The following ERMP1 variants were observed in gnomAD, a reference collection of about 807,000 sequenced individuals.
ERMP1 encodes Felix-ina.
Under a neutral mutation model 92.0 loss-of-function variants are expected in ERMP1, and 86 were observed. That is an observed-to-expected ratio of 0.93 (90% confidence interval 0.79 to 1.12). The LOEUF is 1.12. Ranked by LOEUF, ERMP1 falls within the 50% of genes most tolerant of loss-of-function variation. The pLI, the probability that ERMP1 is intolerant of heterozygous loss-of-function variation, is 0.00. For missense variants in ERMP1, 1,342 were observed against 1,116.3 expected (o/e 1.20, Z -2.88); for synonymous variants, 530 against 412.8 (o/e 1.28, Z -3.44).
intron 4 of ERMP1, among the ~76,000 whole-genome samples, chr9:5,815,066 T>C (rs186233362): frequency 1.7e-4 from 26 of 152,248 alleles, no homozygotes; most frequent in African/African-American, 5.8e-4. Context: ...ATGTGAGTAA[T>C]TGGAGTCCCA....
At chr9:5,850,735 C>G (rs1830299636) in intron 6 of ERMP1, among the ~76,000 whole-genome samples, 1 of 152,140 alleles carries the variant, frequency 6.6e-6, no homozygotes, top group Non-Finnish European at 1.5e-5. Context: ...TGGAAAATGG[C>G]TCAAATGATT....
chr9:5,799,916 C>T (rs1828603731), intron 11 of ERMP1, among the ~76,000 whole-genome samples: 1 of 152,194 alleles, frequency 6.6e-6, no homozygotes, highest in Non-Finnish European at 1.5e-5. Flanking sequence ...AAAGGTTTTA[C>T]AAATTGTAAA....
At chr9:5,806,340 A>C (rs1828868429) in intron 8 of ERMP1, among the ~76,000 whole-genome samples, 1 of 152,152 alleles carries the variant, frequency 6.6e-6, no homozygotes, top group African/African-American at 2.4e-5. Flanking sequence ...TTCCTATTAT[A>C]AAATTTGATC....
intron 5 of ERMP1, among the ~76,000 whole-genome samples, chr9:5,866,479 A>G (rs1462426456): frequency 6.6e-6 from 1 of 152,198 alleles, no homozygotes; most frequent in Non-Finnish European, 1.5e-5. Flanking sequence ...TATGCAGACT[A>G]TGACAAACAG....
At chr9:5,863,452 T>C (rs1830561513) in intron 5 of ERMP1, among the ~76,000 whole-genome samples, 1 of 152,048 alleles carries the variant, frequency 6.6e-6, no homozygotes, top group South Asian at 2.1e-4. Context: ...GGTAAGAAAA[T>C]GAAAATGATA....
chr9:5,816,622 A>G (rs756414601), intron 4 of ERMP1, among the ~76,000 whole-genome samples: 12 of 152,186 alleles, frequency 7.9e-5, no homozygotes, highest in Admixed American at 7.2e-4. Context: ...TCCACTCAGA[A>G]ATGTGCATAC....
chr9:5,795,952 CATTT>C (rs1828408100), intron 13 of ERMP1, among the ~76,000 whole-genome samples: 1 of 152,024 alleles, frequency 6.6e-6, no homozygotes. Flanking sequence ...TGAACAATAC[CATTT>C]ATTAATACAT....
In ERMP1 at chr9:5,798,846, A is replaced by G; in HGVS notation, c.2230T>C (p.Cys744Arg). 4.3e-6 allele frequency: 7 copies of G among 1,613,964 alleles called. No homozygotes were observed. Among genetic ancestry groups the G allele is most frequent in the Non-Finnish European group, 5.9e-6 (7 of 1,179,880 alleles). ...ACTGGAAGATACCAAGGAAAACCAC[A>G]AAGAGGTGCATTCTCCTCACAGTGA... ...RAHCEENAPL[C>R]GFPWYLPVHF... Residue 744 changes from cysteine to arginine, a missense_variant, in exon 12 of 15, where the codon TGT becomes CGT. By Grantham distance (180) the Cys-to-Arg change is radical (BLOSUM62 -3). Coordinates refer to ENST00000339450, the MANE Select transcript of ERMP1 (RefSeq NM_024896.3).
At position 5,832,754 on chromosome 9, in the gene ERMP1, G is replaced by C; in HGVS notation, c.274C>G (p.Leu92Val). The C allele has an allele frequency of 1.3e-6, 2 of 1,499,182 alleles. No individual in the cohort carries two copies. The highest frequency in any genetic ancestry group is 2.8e-5 in the East Asian group (1 of 35,420). The allele number at this position is 1,499,182 out of a possible 1,614,324, so 92.9% of individuals were successfully genotyped here. A position where few individuals can be genotyped will look rare whatever the true frequency, so the allele number is the denominator to read the frequency against. ...GCCCCGCGTAGCACGAGCTGCTGCA[G>C]CGAGAGCTGCACCAGCGTCCGCAGC... ...IALRTLVQLS[L>V]QQLVLRGAAG... Residue 92 changes from leucine to valine, a missense_variant, in exon 1 of 15, where the codon CTG (leucine) becomes GTG (valine). Leu to Val is a conservative substitution (Grantham distance 32). Transcript: ENST00000339450.
chr9:5,790,197 T>C (rs1427042149), intron 13 of ERMP1, among the ~76,000 whole-genome samples: 1 of 145,052 alleles, frequency 6.9e-6, no homozygotes, highest in African/African-American at 2.6e-5. Flanking sequence ...TTTTTTCCCC[T>C]GAGACGGAGT....
At chr9:5,826,980 A>G (rs1341965568) in intron 2 of ERMP1, among the ~76,000 whole-genome samples, 3 of 152,238 alleles carry the variant, frequency 2.0e-5, no homozygotes, top group Non-Finnish European at 4.4e-5. Context: ...GACAGTATCT[A>G]TAAGGGCTAG....
rs189715322 is a variant in ERMP1, at chr9:5,812,112, T to C, written c.1114+13A>G. 71 of 1,541,392 alleles carry C rather than the reference T, an allele frequency of 4.6e-5. No homozygotes were observed. Among genetic ancestry groups the C allele is most frequent in the East Asian group, 6.7e-5 (3 of 44,542 alleles). ...TCTTAGTGTATATCAAAAGTCTAAA[T>C]TGGAATACCAACCTGCTCTCTGAAT... On this transcript the variant is annotated intron_variant, in intron 6 of 14. Transcript: ENST00000339450.
At position 5,811,180 on chromosome 9, in the gene ERMP1, T is replaced by C. The variant is rs1158818953; in HGVS notation, c.1258A>G (p.Ile420Val). ...IAYPSRIGSI[I>V]NYMVVMGVVL... ...ACACCCATTACCACCATGTAGTTTA[T>C]GATTGAGCCAATACGAGAGGGGTAG... Residue 420 changes from isoleucine (I) to valine (V), a missense_variant, in exon 7 of 15, where the codon ATA (isoleucine) becomes GTA (valine). Ile to Val is a conservative substitution (Grantham distance 29, BLOSUM62 3). Transcript: ENST00000339450. 1.9e-6 allele frequency: 3 copies of C among 1,614,098 alleles called. No homozygotes were observed. Among genetic ancestry groups the C allele is most frequent in the Non-Finnish European group, 1.7e-6 (2 of 1,179,988 alleles).
chr9:5,857,539 T>C (rs1434305067), intron 6 of ERMP1, among the ~76,000 whole-genome samples: 1 of 152,170 alleles, frequency 6.6e-6, no homozygotes. Context: ...ATGATGAGCA[T>C]CTACTATACC....
At chr9:5,861,050 CTG>C (rs1412477689) in intron 5 of ERMP1, among the ~76,000 whole-genome samples, 1 of 152,044 alleles carries the variant, frequency 6.6e-6, no homozygotes, top group Admixed American at 6.6e-5. Context: ...ATTTCCCAGT[CTG>C]TGGTATTCTG....
At chr9:5,792,550 G>A (rs1338013889) in intron 13 of ERMP1, among the ~76,000 whole-genome samples, 1 of 152,146 alleles carries the variant, frequency 6.6e-6, no homozygotes, top group Non-Finnish European at 1.5e-5. Context: ...GAGAAACAAT[G>A]TAAGGCTCCT....
upstream of ERMP1, among the ~76,000 whole-genome samples, chr9:5,834,078 A>G (rs1037992969): frequency 1.8e-4 from 27 of 152,146 alleles, no homozygotes; most frequent in African/African-American, 5.1e-4. Flanking sequence ...ACAATGCCCT[A>G]TAGTCCTGCT....
At chr9:5,833,124 C>A, upstream of ERMP1, 9 of 1,122,232 alleles carry the variant, frequency 8.0e-6, no homozygotes, top group South Asian at 1.7e-4. Context: ...TCCTAGTGAG[C>A]GGACGGAAAC....
intron 6 of ERMP1, among the ~76,000 whole-genome samples, chr9:5,856,833 A>G (rs9969808): frequency 0.57 from 87,072 of 151,902 alleles, 25,794 homozygotes; most frequent in South Asian, 0.69. Flanking sequence ...ACTCACGCCC[A>G]ACAGCACTGT....
Sources: allele counts gnomAD v4.1 joint callset (sites outside exome capture counted in the v4.1 genomes callset), GRCh38; gene constraint gnomAD v4.1.1; transcripts MANE v1.5; gene names NCBI Gene and HGNC (gene_info 2026-07-23, HGNC 2026-07-21).